PLA2R1: variants seen among roughly 807,000 people sequenced by gnomAD.
The protein encoded by PLA2R1 is phospholipase A2 receptor 1, also known as secretory phospholipase A2 receptor.
PLA2R1 carries 158 observed loss-of-function variants against 195.9 expected under a neutral mutation model. The observed-to-expected ratio is 0.81, with a 90% CI of 0.71 to 0.92. The LOEUF is 0.92. PLA2R1 is among the 40% of genes least tolerant of loss of function. PLA2R1 has a pLI of 0.00. For synonymous variants in PLA2R1, 586 were observed against 598.2 expected (o/e 0.98, Z 0.30); for missense variants, 1,626 against 1,764.6 (o/e 0.92, Z 1.41).
chr2:159,934,103 C>T lies in PLA2R1; in HGVS notation c.*7675G>A, dbSNP rs1378974515. ...CATGTATCTTGATAATCACTACAGT[C>T]AAAGTTTCTTATAAATGTTGGCAAT... is the stretch of plus-strand genomic sequence containing the variant. On this transcript the variant is annotated 3_prime_UTR_variant, in exon 30 of 30. Coordinates refer to ENST00000283243, the MANE Select transcript of PLA2R1 (RefSeq NM_007366.5). 1 of 152,236 alleles carries T rather than the reference C, an allele frequency of 6.6e-6. No individual in the cohort carries two copies. Among genetic ancestry groups the T allele is most frequent in the East Asian group, 1.9e-4 (1 of 5,180 alleles). 9.4% of individuals were successfully genotyped at this position (152,236 alleles called of 1,614,324 possible).
chr2:160,061,886 G>T (rs1159807744), intron 1 of PLA2R1, among the ~76,000 whole-genome samples: 1 of 152,184 alleles, frequency 6.6e-6, no homozygotes, highest in Non-Finnish European at 1.5e-5. Flanking sequence ...TGCTTTGCAA[G>T]GGGACGAACT....
At chr2:159,996,629 G>A (rs151218807) in intron 11 of PLA2R1, among the ~76,000 whole-genome samples, 159 of 152,072 alleles carry the variant, frequency 1.0e-3, no homozygotes, top group African/African-American at 3.7e-3. Flanking sequence ...TTCAAATATT[G>A]CTTCTTTTCT....
At chr2:160,037,828 G>A (rs1041404003) in intron 3 of PLA2R1, among the ~76,000 whole-genome samples, 9 of 151,956 alleles carry the variant, frequency 5.9e-5, no homozygotes, top group East Asian at 1.9e-4. Flanking sequence ...TTTTAACTTC[G>A]GTTTCTCACT....
chr2:160,045,160 G>C lies in PLA2R1; in HGVS notation c.110-3C>G, dbSNP rs527821005. The C allele has an allele frequency of 6.3e-7, 1 of 1,580,596 alleles. No homozygotes were observed. The highest frequency in any genetic ancestry group is 8.6e-7 in the Non-Finnish European group (1 of 1,159,896). On this transcript the variant is annotated splice_polypyrimidine_tract_variant and splice_region_variant and intron_variant, in intron 1 of 29. Coordinates refer to ENST00000283243, the MANE Select transcript of PLA2R1 (RefSeq NM_007366.5). ...TTGGATAACAAATATTCCTTTATCT[G>C]AAACAAAAATCAAAGATGTGGCATG... is the stretch of plus-strand genomic sequence containing the variant.
intron 4 of PLA2R1, among the ~76,000 whole-genome samples, chr2:160,030,504 C>A (rs1388869606): frequency 6.6e-6 from 1 of 152,136 alleles, no homozygotes; most frequent in Non-Finnish European, 1.5e-5. Context: ...GTTAATTATT[C>A]TTATCTTAGA....
At chr2:160,044,664 G>C (rs889897013) in intron 2 of PLA2R1, 110 bp downstream of exon 2, 2 of 902,096 alleles carry the variant, frequency 2.2e-6, no homozygotes, top group African/African-American at 3.3e-5. Context: ...GAAGTCCCTT[G>C]AGGGTCCAGG....
At chr2:159,965,204 T>C (rs745474727) in intron 20 of PLA2R1, among the ~76,000 whole-genome samples, 13 of 152,230 alleles carry the variant, frequency 8.5e-5, no homozygotes, top group Middle Eastern at 3.2e-3. Context: ...CTTTGTGTTG[T>C]ACATTCTATG....
At chr2:159,988,994 T>C (rs1690559327) in intron 11 of PLA2R1, among the ~76,000 whole-genome samples, 1 of 152,188 alleles carries the variant, frequency 6.6e-6, no homozygotes, top group Non-Finnish European at 1.5e-5. Context: ...GCAAGATGGT[T>C]CTGATCTGGA....
At chr2:160,012,078 A>C (rs1453968229) in intron 10 of PLA2R1, among the ~76,000 whole-genome samples, 2 of 152,174 alleles carry the variant, frequency 1.3e-5, no homozygotes, top group Non-Finnish European at 2.9e-5. Context: ...TTGGATGTTG[A>C]CTTCCAATGT....
At chr2:159,978,248 C>T (rs756044380) in intron 14 of PLA2R1, among the ~76,000 whole-genome samples, 12 of 152,022 alleles carry the variant, frequency 7.9e-5, no homozygotes, top group Admixed American at 5.2e-4. Flanking sequence ...ATTCACATTA[C>T]GGGGGTATTA....
chr2:159,960,581 C>T (rs1219067574), intron 20 of PLA2R1, among the ~76,000 whole-genome samples: 4 of 152,140 alleles, frequency 2.6e-5, no homozygotes, highest in African/African-American at 7.2e-5. Context: ...ACCACTCAAT[C>T]CAGGTCTTGA....
intron 11 of PLA2R1, among the ~76,000 whole-genome samples, chr2:160,001,786 C>G (rs1573865880): frequency 6.6e-6 from 1 of 151,730 alleles, no homozygotes; most frequent in Non-Finnish European, 1.5e-5. Context: ...TTGTATGTTC[C>G]TAATAAAACA....
intron 6 of PLA2R1, 103 bp downstream of exon 6, chr2:160,028,115 C>A: frequency 1.4e-6 from 1 of 709,728 alleles, no homozygotes; most frequent in South Asian, 2.1e-5. Flanking sequence ...CTAGATTTAG[C>A]TAAGTTTACA....
chr2:160,025,630 G>A (rs1177044085), intron 6 of PLA2R1, among the ~76,000 whole-genome samples: 1 of 127,116 alleles, frequency 7.9e-6, no homozygotes, highest in African/African-American at 2.9e-5. Context: ...ATACACAACT[G>A]ATAAAGAGAA....
downstream of PLA2R1, among the ~76,000 whole-genome samples, chr2:159,928,863 C>T (rs1489706508): frequency 6.6e-6 from 1 of 152,172 alleles, no homozygotes; most frequent in Non-Finnish European, 1.5e-5. Context: ...TTACAGCCAA[C>T]TGATCTTCAA....
Position 159,954,470 on chromosome 2 carries a change from C to A in PLA2R1, c.3301+729G>T, listed in dbSNP as rs989652640. The stretch of plus-strand genomic sequence containing the variant: ...GTTGATAGTAACATTAGAGACTTCA[C>A]ACGTATGCCACATTAAGAAGTAAAA... On this transcript the variant is annotated intron_variant, in intron 23 of 29. Transcript: ENST00000283243. Among the ~76,000 whole-genome samples, 6 of 151,592 alleles carry A rather than the reference C, an allele frequency of 4.0e-5. No individual in the cohort carries two copies. The East Asian group carries it at 1.2e-3, about 29-fold the overall frequency.
At position 159,934,249 on chromosome 2, in the gene PLA2R1, T is replaced by C. The variant is rs959236502; in HGVS notation, c.*7529A>G. The C allele has an allele frequency of 6.6e-6, 1 of 152,188 alleles. No homozygotes were observed. The highest frequency in any genetic ancestry group is 6.5e-5 in the Admixed American group (1 of 15,278). The allele number at this position is 152,188 out of a possible 1,614,324, so 9.4% of individuals were successfully genotyped here. On this transcript the variant is annotated 3_prime_UTR_variant, in exon 30 of 30. Coordinates refer to ENST00000283243, the MANE Select transcript of PLA2R1 (RefSeq NM_007366.5). ...CTATTAATACTAAGGCACGAGGTTG[T>C]AGGGGATAGCAGGACTATGAGAATT... is the stretch of plus-strand genomic sequence containing the variant.
chr2:159,969,714 T>C (rs559214208), intron 18 of PLA2R1, among the ~76,000 whole-genome samples: 2 of 152,206 alleles, frequency 1.3e-5, no homozygotes, highest in Admixed American at 1.3e-4. Context: ...AGCTAATTTT[T>C]GTATTTTTAG....
At chr2:159,979,945 T>C (rs2105289820) in intron 13 of PLA2R1, 31 bp from the exon 14 acceptor site, 1 of 1,350,552 alleles carries the variant, frequency 7.4e-7, no homozygotes, top group Non-Finnish European at 1.1e-6. Context: ...AGCTTTGCCT[T>C]TCCCATCAAA....
Sources: allele counts gnomAD v4.1 joint callset (sites outside exome capture counted in the v4.1 genomes callset), GRCh38; gene constraint gnomAD v4.1.1; transcripts MANE v1.5; gene names NCBI Gene and HGNC (gene_info 2026-07-23, HGNC 2026-07-21).